The following PPARA variants were observed in gnomAD, a reference collection of about 807,000 sequenced individuals.
PPARA encodes peroxisome proliferator activated receptor alpha.
PPARA carries 22 observed loss-of-function variants against 42.2 expected under a neutral mutation model. The observed-to-expected ratio is 0.52, with a 90% CI of 0.37 to 0.74. The LOEUF (loss-of-function observed/expected upper bound fraction) is 0.74, where lower values mean the gene tolerates loss of function less well. Ranked by LOEUF, PPARA falls within the 30% of genes least tolerant of loss-of-function variation. The pLI, the probability that PPARA is intolerant of heterozygous loss-of-function variation, is 0.00. For synonymous variants in PPARA, 242 were observed against 239.3 expected (o/e 1.01, Z -0.10); for missense variants, 465 against 608.2 (o/e 0.76, Z 2.48).
rs1331495054 is a variant in PPARA, at chr22:46,211,307, T to A, written c.209-3866T>A. ...CCTGTCAATTCACCATTCCTTGAGTTCATGGTTCATTTTCAGTATACCTGC... is the reference window on the plus strand; with the variant it reads ...CCTGTCAATTCACCATTCCTTGAGTACATGGTTCATTTTCAGTATACCTGC... On this transcript the variant is annotated intron_variant, in intron 4 of 8. Transcript: ENST00000407236. This position sits in a 1 kb window ranked among gnomAD's most constrained non-coding sequence, Gnocchi z 4.1. 6.6e-6 allele frequency among the ~76,000 whole-genome samples: 1 copy of A among 152,160 alleles called. No homozygotes were observed. The highest frequency in any genetic ancestry group is 6.6e-5 in the Admixed American group (1 of 15,258).
chr22:46,191,652 C>T lies in PPARA; in HGVS notation c.-42-6690C>T, dbSNP rs997908111. ...CGGACACACTGTGTGTGCCGCTTTG[C>T]CCTCTGGGTGACAGCAGGCTGTGGC... is the stretch of plus-strand genomic sequence containing the variant. On this transcript the variant is annotated intron_variant, in intron 3 of 8. Transcript: ENST00000407236. This position sits in a 1 kb window ranked among gnomAD's most constrained non-coding sequence, Gnocchi z 4.6. Among the ~76,000 whole-genome samples, 1 of 152,184 alleles carries T rather than the reference C, an allele frequency of 6.6e-6. No individual in the cohort carries two copies. Among genetic ancestry groups the T allele is most frequent in the Non-Finnish European group, 1.5e-5 (1 of 68,034 alleles).
At chr22:46,181,715 G>C (rs978747185) in intron 3 of PPARA, among the ~76,000 whole-genome samples, 10 of 152,128 alleles carry the variant, frequency 6.6e-5, no homozygotes, top group African/African-American at 2.4e-4. Context: ...TGGGGTTGGA[G>C]GACACCCTGG....
chr22:46,185,939 ATATATATATATATATATATATATATACAC>A (rs1930704794), intron 3 of PPARA, among the ~76,000 whole-genome samples: 1 of 50,802 alleles, frequency 2.0e-5, no homozygotes, highest in Non-Finnish European at 4.3e-5. Context: ...ATATATATAT[ATATATATATATATATATATATATATACAC>A]ACACACTAAC....
Position 46,182,502 on chromosome 22 carries a change from A to C in PPARA, c.-43+5666A>C, listed in dbSNP as rs548894322. ...TTGATTCTATTTGTATAAAACTAGAAAGTACAAACTAATCTGTAATGACAG... is the reference window on the plus strand; with the variant it reads ...TTGATTCTATTTGTATAAAACTAGACAGTACAAACTAATCTGTAATGACAG... On this transcript the variant is annotated intron_variant, in intron 3 of 8. Coordinates refer to ENST00000407236, the MANE Select transcript of PPARA (RefSeq NM_005036.6). The surrounding 1 kb of genome is among the most constrained non-coding windows in gnomAD (Gnocchi z 5.2). 6.6e-6 allele frequency among the ~76,000 whole-genome samples: 1 copy of C among 152,330 alleles called. No individual in the cohort carries two copies. The highest frequency in any genetic ancestry group is 1.9e-4 in the East Asian group (1 of 5,182).
Position 46,233,109 on chromosome 22 carries a change from G to A in PPARA, c.1159+870G>A, listed in dbSNP as rs931742955. ...CCTGTATATATTATATAATGATGTT[G>A]TATTCATATTATAGACAATATTGTA... On this transcript the variant is annotated intron_variant, in intron 8 of 8. Coordinates refer to ENST00000407236, the MANE Select transcript of PPARA (RefSeq NM_005036.6). This position sits in a 1 kb window ranked among gnomAD's most constrained non-coding sequence, Gnocchi z 7.3. 2.7e-5 allele frequency among the ~76,000 whole-genome samples: 4 copies of A among 150,812 alleles called. No homozygotes were observed. Among genetic ancestry groups the A allele is most frequent in the Non-Finnish European group, 4.4e-5 (3 of 67,844 alleles).
rs1485090852 is a variant in PPARA, at chr22:46,215,033, GC to G, written c.209-137del. ...CAAGAGGGTGTGACCCAGAGGCAGG[GC>G]CCGGCCCCGCATGGGTGTTCTGAGG... is the stretch of plus-strand genomic sequence containing the variant. On this transcript the variant is annotated intron_variant, in intron 4 of 8. Coordinates refer to ENST00000407236, the MANE Select transcript of PPARA (RefSeq NM_005036.6). 4 of 1,018,392 alleles carry G rather than the reference GC, an allele frequency of 3.9e-6. No individual in the cohort carries two copies. In the Admixed American group the frequency reaches 7.9e-5, roughly 20 times the overall value. The allele number at this position is 1,018,392 out of a possible 1,614,324, so 63.1% of individuals were successfully genotyped here.
intron 2 of PPARA, among the ~76,000 whole-genome samples, chr22:46,166,812 A>C (rs955016321): frequency 6.6e-6 from 1 of 152,178 alleles, no homozygotes; most frequent in African/African-American, 2.4e-5. Context: ...CTTTTCCCAA[A>C]ATGATCTACA....
rs1160925639 is a variant in PPARA, at chr22:46,232,923, A to G, written c.1159+684A>G. Among the ~76,000 whole-genome samples the G allele has an allele frequency of 6.7e-6, 1 of 149,694 alleles. No individual in the cohort carries two copies. The highest frequency in any genetic ancestry group is 1.5e-5 in the Non-Finnish European group (1 of 67,576). ...CTTAAGCCCAGGAGACAAAGGTTGC[A>G]GTGAGCCAAGGTCACGCCACCACAC... On this transcript the variant is annotated intron_variant, in intron 8 of 8. Coordinates refer to ENST00000407236, the MANE Select transcript of PPARA (RefSeq NM_005036.6). The surrounding 1 kb of genome is among the most constrained non-coding windows in gnomAD (Gnocchi z 5.3).
At chr22:46,158,496 C>A (rs1925664584) in intron 2 of PPARA, among the ~76,000 whole-genome samples, 1 of 152,208 alleles carries the variant, frequency 6.6e-6, no homozygotes, top group Admixed American at 6.5e-5. Flanking sequence ...AAAAGAGACC[C>A]AGTTATTTAG....
At position 46,184,415 on chromosome 22, in the gene PPARA, A is replaced by G. The variant is rs914378868; in HGVS notation, c.-43+7579A>G. ...AGAGACACAGTTACCTTTTAGTTAC[A>G]CTAATGGGGAAAACAGGAGCTTTGC... On this transcript the variant is annotated intron_variant, in intron 3 of 8. Transcript: ENST00000407236. This position sits in a 1 kb window ranked among gnomAD's most constrained non-coding sequence, Gnocchi z 4.4. Among the ~76,000 whole-genome samples the G allele has an allele frequency of 3.3e-5, 5 of 152,224 alleles. No homozygotes were observed. Among genetic ancestry groups the G allele is most frequent in the African/African-American group, 1.2e-4 (5 of 41,452 alleles).
Position 46,230,855 on chromosome 22 carries a change from C to A in PPARA, c.712-937C>A, listed in dbSNP as rs1312222691. 6.6e-6 allele frequency among the ~76,000 whole-genome samples: 1 copy of A among 152,190 alleles called. No homozygotes were observed. Among genetic ancestry groups the A allele is most frequent in the Non-Finnish European group, 1.5e-5 (1 of 68,040 alleles). On this transcript the variant is annotated intron_variant, in intron 7 of 8. Transcript: ENST00000407236. The surrounding 1 kb of genome is among the most constrained non-coding windows in gnomAD (Gnocchi z 5.0). Reference sequence around the variant, plus strand: ...TTTCTGAGTTGTATGTATTTACATGCCAAATGTATTCATTGAGCAGCGTTA... The same window carrying A: ...TTTCTGAGTTGTATGTATTTACATGACAAATGTATTCATTGAGCAGCGTTA...
At position 46,196,156 on chromosome 22, in the gene PPARA, G is replaced by A. The variant is rs1326286908; in HGVS notation, c.-42-2186G>A. Among the ~76,000 whole-genome samples, 1 of 152,186 alleles carries A rather than the reference G, an allele frequency of 6.6e-6. No homozygotes were observed. Among genetic ancestry groups the A allele is most frequent in the Non-Finnish European group, 1.5e-5 (1 of 68,036 alleles). On this transcript the variant is annotated intron_variant, in intron 3 of 8. Coordinates refer to ENST00000407236, the MANE Select transcript of PPARA (RefSeq NM_005036.6). This position sits in a 1 kb window ranked among gnomAD's most constrained non-coding sequence, Gnocchi z 5.6. ...CTGGGCTTCAATCTGGAGGTCTCAG[G>A]AAGTGGTTTAGGATGTTTCAGCGAG... is the stretch of plus-strand genomic sequence containing the variant.
rs1474965955 is a variant in PPARA at position 46,227,859 on chromosome 22, A to AT, written c.712-3926dup. Among the ~76,000 whole-genome samples the AT allele has an allele frequency of 3.3e-5, 5 of 152,206 alleles. No homozygotes were observed. Among genetic ancestry groups the AT allele is most frequent in the Non-Finnish European group, 7.3e-5 (5 of 68,036 alleles). On this transcript the variant is annotated intron_variant, in intron 7 of 8. Coordinates refer to ENST00000407236, the MANE Select transcript of PPARA (RefSeq NM_005036.6). The surrounding 1 kb of genome is among the most constrained non-coding windows in gnomAD (Gnocchi z 4.3). ...AAGTTAAATATAAGCTGCTGCATAG[A>AT]TTTTTTTGTAAAATGATCTCACCAA...
Position 46,187,072 on chromosome 22 carries a change from GGT to G in PPARA, c.-43+10238_-43+10239del, listed in dbSNP as rs1930920753. Among the ~76,000 whole-genome samples, 5 of 152,308 alleles carry G rather than the reference GGT, an allele frequency of 3.3e-5. No individual in the cohort carries two copies. The South Asian group carries it at 1.0e-3, about 32-fold the overall frequency. ...TGGATAAGGGATATCTACTGTATAA[GGT>G]GGAGTTTTCAAGGTCATAGCACTGC... On this transcript the variant is annotated intron_variant, in intron 3 of 8. Transcript: ENST00000407236. This position sits in a 1 kb window ranked among gnomAD's most constrained non-coding sequence, Gnocchi z 4.9.
At chr22:46,205,079 G>T (rs745609004) in intron 4 of PPARA, among the ~76,000 whole-genome samples, 8 of 151,702 alleles carry the variant, frequency 5.3e-5, no homozygotes, top group Non-Finnish European at 1.0e-4. Flanking sequence ...GCCAGGGGTG[G>T]TCTTGAACTC....
rs4253691 is a variant in PPARA, at chr22:46,185,172, T to C, written c.-43+8336T>C. Among the ~76,000 whole-genome samples, 1,486 of 152,324 alleles carry C rather than the reference T, an allele frequency of 9.8e-3. 23 individuals are homozygous for C. Among genetic ancestry groups the C allele is most frequent in the African/African-American group, 0.034 (1,403 of 41,566 alleles). ...TCTCCTGGACTGGTCCTCTCTTACT[T>C]CTCTTGCTTCTCCCATGTTCCATCT... On this transcript the variant is annotated intron_variant, in intron 3 of 8. Transcript: ENST00000407236.
At chr22:46,179,809 A>C (rs1165685850) in intron 3 of PPARA, among the ~76,000 whole-genome samples, 9 of 152,234 alleles carry the variant, frequency 5.9e-5, no homozygotes, top group Non-Finnish European at 1.3e-4. Context: ...TTCGAAAAGC[A>C]TTTGCCTGAT....
At position 46,197,481 on chromosome 22, in the gene PPARA, T is replaced by A. The variant is rs767618120; in HGVS notation, c.-42-861T>A. On this transcript the variant is annotated intron_variant, in intron 3 of 8. Transcript: ENST00000407236. Reference sequence around the variant, plus strand: ...GGCTATGGCTCCTTCAACAGTTTGTTGTTTAAAGGTTCTTCACTTTCTCAG... The same window carrying A: ...GGCTATGGCTCCTTCAACAGTTTGTAGTTTAAAGGTTCTTCACTTTCTCAG... Among the ~76,000 whole-genome samples the A allele has an allele frequency of 4.3e-4, 65 of 152,232 alleles. 2 individuals carry two copies. The highest frequency in any genetic ancestry group is 2.2e-4 in the Non-Finnish European group (15 of 68,044).
Position 46,227,813 on chromosome 22 carries a change from G to A in PPARA, c.712-3979G>A, listed in dbSNP as rs978760946. On this transcript the variant is annotated intron_variant, in intron 7 of 8. Transcript: ENST00000407236. This position sits in a 1 kb window ranked among gnomAD's most constrained non-coding sequence, Gnocchi z 4.3. Reference sequence around the variant, plus strand: ...GTCAGATATATTCATAGTCAAGCTTGAGTATAAAAGGCATATTCCAAAGTT... The same window carrying A: ...GTCAGATATATTCATAGTCAAGCTTAAGTATAAAAGGCATATTCCAAAGTT... Among the ~76,000 whole-genome samples the A allele has an allele frequency of 1.3e-5, 2 of 152,188 alleles. No homozygotes were observed. Among genetic ancestry groups the A allele is most frequent in the Admixed American group, 6.5e-5 (1 of 15,280 alleles).
Sources: gnomAD v4.1 joint callset for allele counts (sites outside exome capture counted in the v4.1 genomes callset) on GRCh38, gnomAD v4.1.1 for gene constraint, Gnocchi (gnomAD v3.1) non-coding constraint, MANE v1.5 for transcripts, NCBI Gene and HGNC (gene_info 2026-07-23, HGNC 2026-07-21) for gene names.